ARHGEF7: variants seen among roughly 807,000 people sequenced by gnomAD.
The protein encoded by ARHGEF7 is Rho guanine nucleotide exchange factor 7.
Under a neutral mutation model 109.8 loss-of-function variants are expected in ARHGEF7, and 33 were observed. That is an observed-to-expected ratio of 0.30 (90% confidence interval 0.23 to 0.40). ARHGEF7 has a LOEUF of 0.40. Among genes scored for constraint, ARHGEF7 ranks in the 10% least tolerant of loss-of-function variants. The pLI is 1.00. For synonymous variants in ARHGEF7, 458 were observed against 424.6 expected, an observed-to-expected ratio of 1.08 and a Z score of -0.97; for missense variants, 938 against 1,098.5, an observed-to-expected ratio of 0.85 and a Z score of 2.07.
At chr13:111,126,637 T>A (rs2067581240) in intron 1 of ARHGEF7, among the ~76,000 whole-genome samples, 1 of 152,216 alleles carries the variant, frequency 6.6e-6, no homozygotes, top group South Asian at 2.1e-4. Context: ...CTTTATCAAT[T>A]GATGACAAAT....
At chr13:111,203,155 A>G in intron 2 of ARHGEF7, 1 of 1,217,500 alleles carries the variant, frequency 8.2e-7, no homozygotes, top group Non-Finnish European at 1.1e-6. Flanking sequence ...TTTTTGTAGT[A>G]TACAAAATTG....
chr13:111,128,908 G>A (rs1345181090), intron 1 of ARHGEF7, among the ~76,000 whole-genome samples: 1 of 152,112 alleles, frequency 6.6e-6, no homozygotes, highest in East Asian at 1.9e-4. Context: ...AAAGGCAAAG[G>A]GCCTAGAAAC....
At chr13:111,278,041 T>C (rs1379082656) in intron 13 of ARHGEF7, among the ~76,000 whole-genome samples, 2 of 152,208 alleles carry the variant, frequency 1.3e-5, no homozygotes, top group African/African-American at 4.8e-5. Context: ...AGTGGGGTAG[T>C]GTAGACTAAG....
At chr13:111,250,603 C>A (rs1241496489) in intron 8 of ARHGEF7, among the ~76,000 whole-genome samples, 1 of 152,200 alleles carries the variant, frequency 6.6e-6, no homozygotes, top group Non-Finnish European at 1.5e-5. Flanking sequence ...AATTGTCTGA[C>A]ACTGAGTTTC....
intron 2 of ARHGEF7, among the ~76,000 whole-genome samples, chr13:111,177,401 T>C (rs2078274706): frequency 6.6e-6 from 1 of 152,224 alleles, no homozygotes; most frequent in African/African-American, 2.4e-5. Context: ...CATTGGTCAT[T>C]CTGGGAGCTG....
chr13:111,221,555 ATATC>A (rs1566876861), intron 5 of ARHGEF7, among the ~76,000 whole-genome samples: 2 of 72,280 alleles, frequency 2.8e-5, no homozygotes, highest in African/African-American at 4.5e-5. Context: ...ACATATCTAT[ATATC>A]TATATATATA....
At chr13:111,161,174 A>G (rs955502862) in intron 2 of ARHGEF7, among the ~76,000 whole-genome samples, 3 of 152,260 alleles carry the variant, frequency 2.0e-5, no homozygotes, top group Non-Finnish European at 4.4e-5. Context: ...GAATGTGTAC[A>G]TGATGCTGAG....
chr13:111,202,119 A>G (rs2081275964), intron 2 of ARHGEF7, among the ~76,000 whole-genome samples: 1 of 152,220 alleles, frequency 6.6e-6, no homozygotes, highest in Non-Finnish European at 1.5e-5. Flanking sequence ...AGTGTTTGAA[A>G]TACGCTTTTT....
At chr13:111,236,105 G>T (rs529670079) in intron 6 of ARHGEF7, among the ~76,000 whole-genome samples, 2 of 152,282 alleles carry the variant, frequency 1.3e-5, no homozygotes, top group Non-Finnish European at 2.9e-5. Context: ...AGTAAAACTC[G>T]TAGTAATTTA....
chr13:111,258,172 C>T lies in ARHGEF7; in HGVS notation c.951-9376C>T, dbSNP rs985455318. 6.6e-6 allele frequency among the ~76,000 whole-genome samples: 1 copy of T among 151,726 alleles called. No homozygotes were observed. The highest frequency in any genetic ancestry group is 1.5e-5 in the Non-Finnish European group (1 of 67,904). ...GCTCCAGGAGAGACTCCTCCCACAA[C>T]CACAGGCAGTGCAGCCTGCAGCTCC... On this transcript the variant is annotated intron_variant, in intron 8 of 21. Coordinates refer to ENST00000646102, the MANE Select transcript of ARHGEF7 (RefSeq NM_001354046.2). This position sits in a 1 kb window ranked among gnomAD's most constrained non-coding sequence, Gnocchi z 4.4.
intron 1 of ARHGEF7, among the ~76,000 whole-genome samples, chr13:111,127,147 A>G (rs2067621143): frequency 6.6e-6 from 1 of 152,224 alleles, no homozygotes; most frequent in South Asian, 2.1e-4. Flanking sequence ...TATGCCAACA[A>G]TTTCTACAAC....
chr13:111,175,118 ATTTG>A (rs367865306), intron 2 of ARHGEF7, among the ~76,000 whole-genome samples: 4 of 152,274 alleles, frequency 2.6e-5, no homozygotes, highest in African/African-American at 9.6e-5. Context: ...TAAATTGAAT[ATTTG>A]TTTGTGGTAA....
intron 6 of ARHGEF7, among the ~76,000 whole-genome samples, chr13:111,242,715 G>C (rs930617481): frequency 6.6e-6 from 1 of 152,200 alleles, no homozygotes; most frequent in Non-Finnish European, 1.5e-5. Flanking sequence ...AGTGTGGTGC[G>C]GTGCAGTGGC....
chr13:111,117,668 CTTTT>C (rs2153306927), intron 1 of ARHGEF7, among the ~76,000 whole-genome samples: 1 of 152,186 alleles, frequency 6.6e-6, no homozygotes, highest in African/African-American at 2.4e-5. Flanking sequence ...TTCTTTCTTT[CTTTT>C]CTTTTTCTCT....
At chr13:111,243,496 T>G (rs2088202808) in intron 6 of ARHGEF7, among the ~76,000 whole-genome samples, 1 of 152,236 alleles carries the variant, frequency 6.6e-6, no homozygotes, top group South Asian at 2.1e-4. Context: ...ATGCAGGATG[T>G]CCTTTTGGGA....
intron 8 of ARHGEF7, among the ~76,000 whole-genome samples, chr13:111,247,039 T>A (rs2088974073): frequency 6.6e-6 from 1 of 152,166 alleles, no homozygotes; most frequent in South Asian, 2.1e-4. Context: ...TTGATCAAGT[T>A]TCTCAAATTT....
chr13:111,291,443 G>T (rs920055538), intron 18 of ARHGEF7, among the ~76,000 whole-genome samples: 1 of 152,250 alleles, frequency 6.6e-6, no homozygotes, highest in Non-Finnish European at 1.5e-5. Context: ...CCTGCCTGCG[G>T]GCTAAGCTCC....
rs372727703 is a variant in ARHGEF7 at position 111,136,334 on chromosome 13, A to G, written c.166-17571A>G. Among the ~76,000 whole-genome samples the G allele has an allele frequency of 2.1e-4, 32 of 151,928 alleles. No homozygotes were observed. In the South Asian group the frequency reaches 3.5e-3, roughly 17 times the overall value. ...TCACACCTATTCCAAAATTGACCAC[A>G]TAGTTGGAAGTAAAGCACTCTTCAG... On this transcript the variant is annotated intron_variant, in intron 1 of 21. Transcript: ENST00000646102.
intron 6 of ARHGEF7, among the ~76,000 whole-genome samples, chr13:111,238,330 G>T (rs1032255944): frequency 1.3e-5 from 2 of 152,206 alleles, no homozygotes; most frequent in South Asian, 4.1e-4. Flanking sequence ...TTTGTAAAAT[G>T]AGATTGGTAA....
Sources: gnomAD v4.1 joint callset for allele counts (sites outside exome capture counted in the v4.1 genomes callset) on GRCh38, gnomAD v4.1.1 for gene constraint, Gnocchi (gnomAD v3.1) non-coding constraint, MANE v1.5 for transcripts, NCBI Gene and HGNC (gene_info 2026-07-23, HGNC 2026-07-21) for gene names.